LIPA: variants seen among roughly 807,000 people sequenced by gnomAD.
LIPA encodes lysosomal acid lipase/cholesteryl ester hydrolase.
In LIPA, 26 loss-of-function variants were observed where a neutral mutation model predicts 40.6. That is an observed-to-expected ratio of 0.64 (90% CI 0.47 to 0.89). The LOEUF is 0.89. LIPA is among the 40% of genes least tolerant of loss of function. The pLI is 0.00. For synonymous variants in LIPA, 188 were observed against 168.4 expected (o/e 1.12, Z -0.90); for missense variants, 455 against 479.6 (o/e 0.95, Z 0.48).
intron 2 of LIPA, chr10:89,383,834 A>C (rs1164401683): frequency 2.5e-6 from 4 of 1,614,036 alleles, no homozygotes; most frequent in Non-Finnish European, 3.4e-6. Context: ...AACCCTGAAA[A>C]CCCTGAATTC....
intron 2 of LIPA, among the ~76,000 whole-genome samples, chr10:89,371,833 CTAATT>C (rs1472419023): frequency 6.6e-6 from 1 of 152,088 alleles, no homozygotes; most frequent in African/African-American, 2.4e-5. Flanking sequence ...TTTAGCCCAT[CTAATT>C]TAAGATTCTA....
In LIPA at chr10:89,347,954, A is replaced by G. The variant is rs550958209; in HGVS notation, c.61+64837T>C. 1.4e-4 allele frequency among the ~76,000 whole-genome samples: 22 copies of G among 152,308 alleles called. No individual in the cohort carries two copies. In the South Asian group the frequency reaches 3.9e-3, roughly 27 times the overall value. On this transcript the variant is annotated intron_variant, in intron 2 of 8. Coordinates refer to the LIPA transcript ENST00000371837. ...TACAACCCCCACCATGTGGCCTTCC[A>G]TGGTGAGGCCTACCACCGTAAGGTT... is the stretch of plus-strand genomic sequence containing the variant.
At chr10:89,392,273 TCTC>T (rs1844263415) in intron 2 of LIPA, among the ~76,000 whole-genome samples, 1 of 152,082 alleles carries the variant, frequency 6.6e-6, no homozygotes, top group South Asian at 2.1e-4. Flanking sequence ...CTCCTTCAAT[TCTC>T]CTTTTTCTGT....
At chr10:89,338,433 GA>G in intron 1 of LIPA, 1 of 515,344 alleles carries the variant, frequency 1.9e-6, no homozygotes, top group Non-Finnish European at 3.5e-6. Flanking sequence ...GCCCTCAACA[GA>G]ATGGATAATG....
intron 2 of LIPA, chr10:89,404,062 TG>T (rs1030021146): frequency 5.9e-5 from 6 of 102,422 alleles, no homozygotes; most frequent in Non-Finnish European, 8.2e-5. Flanking sequence ...CAGACCCTCT[TG>T]GCCAAGGAGA....
intron 1 of LIPA, among the ~76,000 whole-genome samples, chr10:89,266,470 ATAT>A (rs1843236945): frequency 6.6e-6 from 1 of 152,214 alleles, no homozygotes; most frequent in Non-Finnish European, 1.5e-5. Context: ...ATGATCTAAA[ATAT>A]TATATAAAAT....
At chr10:89,398,386 C>T (rs1844375456) in intron 2 of LIPA, among the ~76,000 whole-genome samples, 1 of 152,174 alleles carries the variant, frequency 6.6e-6, no homozygotes. Context: ...AGGTTTTCGG[C>T]ATTGTGCCTG....
intron 2 of LIPA, among the ~76,000 whole-genome samples, chr10:89,355,345 C>T (rs183992804): frequency 6.6e-6 from 1 of 152,284 alleles, no homozygotes; most frequent in African/African-American, 2.4e-5. Context: ...ATGGGAAAGG[C>T]AAGATGGGGG....
At chr10:89,331,272 A>C (rs933517503) in intron 1 of LIPA, among the ~76,000 whole-genome samples, 3 of 152,144 alleles carry the variant, frequency 2.0e-5, no homozygotes, top group Non-Finnish European at 4.4e-5. Flanking sequence ...TCCTGGGCTC[A>C]AGGGATTCTC....
chr10:89,271,297 G>T (rs991755527), intron 1 of LIPA, among the ~76,000 whole-genome samples: 5 of 152,208 alleles, frequency 3.3e-5, no homozygotes, highest in Non-Finnish European at 7.3e-5. Flanking sequence ...GTGGTTATGG[G>T]ACATTCCCCC....
In LIPA at chr10:89,302,026, T is replaced by A. The variant is rs943637816; in HGVS notation, c.-2+40585A>T. The A allele has an allele frequency of 5.8e-6, 8 of 1,369,714 alleles. No homozygotes were observed. The Admixed American group carries it at 6.9e-5, about 12-fold the overall frequency. The allele number at this position is 1,369,714 out of a possible 1,614,324, so 84.8% of individuals were successfully genotyped here. On this transcript the variant is annotated intron_variant, in intron 1 of 5. Transcript: ENST00000282673. Reference sequence around the variant, plus strand: ...ACCAGAGGCCACTTGTATATATAGGTCTCTTCAGCATTTATTGGTGGCAGA... The same window carrying A: ...ACCAGAGGCCACTTGTATATATAGGACTCTTCAGCATTTATTGGTGGCAGA...
chr10:89,215,293 C>T (rs371677658), intron 9 of LIPA, among the ~76,000 whole-genome samples: 2 of 152,156 alleles, frequency 1.3e-5, no homozygotes, highest in Admixed American at 6.5e-5. Context: ...GAGCTGCTGC[C>T]GTAGGCTGGG....
At chr10:89,384,289 A>G in intron 2 of LIPA, 1 of 1,614,196 alleles carries the variant, frequency 6.2e-7, no homozygotes, top group South Asian at 1.1e-5. Flanking sequence ...TCAATTGGCT[A>G]TATGCAAATT....
At chr10:89,278,405 G>T (rs1843299529) in intron 1 of LIPA, 2 of 152,234 alleles carry the variant, frequency 1.3e-5, no homozygotes, top group Non-Finnish European at 2.9e-5. Flanking sequence ...GGAAGGTGTG[G>T]AGAAGGGTCC....
chr10:89,219,335 C>T (rs1298350215), intron 8 of LIPA, among the ~76,000 whole-genome samples: 1 of 152,116 alleles, frequency 6.6e-6, no homozygotes, highest in African/African-American at 2.4e-5. Flanking sequence ...TGGAAAACTA[C>T]ACTGGGATGG....
At chr10:89,250,099 T>TTCC (rs1843095443) in intron 1 of LIPA, among the ~76,000 whole-genome samples, 1 of 91,514 alleles carries the variant, frequency 1.1e-5, no homozygotes, top group African/African-American at 6.3e-5. Flanking sequence ...TTTTCTTTTC[T>TTCC]TTTCTTTCTT....
At chr10:89,225,871 G>A (rs1842763086) in intron 5 of LIPA, among the ~76,000 whole-genome samples, 3 of 152,066 alleles carry the variant, frequency 2.0e-5, no homozygotes, top group Admixed American at 1.3e-4. Flanking sequence ...TTTATAAGGG[G>A]AAACTCCCTC....
At chr10:89,352,607 G>T (rs1224686333) in intron 2 of LIPA, among the ~76,000 whole-genome samples, 1 of 152,046 alleles carries the variant, frequency 6.6e-6, no homozygotes, top group Non-Finnish European at 1.5e-5. Context: ...CTGCCCAAGG[G>T]TTTTTTCCTG....
chr10:89,350,223 A>T (rs1181172086), intron 2 of LIPA, among the ~76,000 whole-genome samples: 1 of 152,152 alleles, frequency 6.6e-6, no homozygotes, highest in Non-Finnish European at 1.5e-5. Context: ...GATGGGGTTC[A>T]GGAGGATATG....
Sources: allele counts gnomAD v4.1 joint callset (sites outside exome capture counted in the v4.1 genomes callset), GRCh38; gene constraint gnomAD v4.1.1; transcripts MANE v1.5; gene names NCBI Gene and HGNC (gene_info 2026-07-23, HGNC 2026-07-21).